Variants in DHX57 observed in about 807,000 individuals in gnomAD.
The protein encoded by DHX57 is putative ATP-dependent RNA helicase DHX57.
In DHX57, 105 loss-of-function variants were observed where a neutral mutation model predicts 156.2. The ratio of observed to expected loss-of-function variants is 0.67; its 90% CI spans 0.57 to 0.79. DHX57 has a LOEUF of 0.79. Ranked by LOEUF, DHX57 falls within the 30% of genes least tolerant of loss-of-function variation. DHX57 has a pLI of 0.00. For synonymous variants in DHX57, 704 were observed against 595.6 expected, an observed-to-expected ratio of 1.18 and a Z score of -2.65; for missense variants, 1,847 against 1,661.9, an observed-to-expected ratio of 1.11 and a Z score of -1.94.
chr2:38,824,673 G>C (rs1444799695), intron 16 of DHX57, among the ~76,000 whole-genome samples: 2 of 152,080 alleles, frequency 1.3e-5, no homozygotes, highest in African/African-American at 4.8e-5. Flanking sequence ...GGGGTATAGA[G>C]TTTCATTCTT....
At chr2:38,875,107 A>G (rs1271393484) in intron 1 of DHX57, among the ~76,000 whole-genome samples, 1 of 152,234 alleles carries the variant, frequency 6.6e-6, no homozygotes, top group African/African-American at 2.4e-5. Context: ...TAACATTTTA[A>G]ACGAAGATTT....
chr2:38,799,627 G>A (rs1436911509), intron 23 of DHX57, among the ~76,000 whole-genome samples: 1 of 146,338 alleles, frequency 6.8e-6, no homozygotes, highest in Non-Finnish European at 1.5e-5. Flanking sequence ...GCACATGCCT[G>A]TAATCCCAGC....
In DHX57 at chr2:38,818,924, T is replaced by A; in HGVS notation, c.3424A>T (p.Ser1142Cys). Residue 1142 changes from serine to cysteine, a missense_variant, in exon 19 of 24, where the codon AGT becomes TGT. By Grantham distance (112) the Ser-to-Cys change is moderately radical. Coordinates refer to ENST00000457308, the MANE Select transcript of DHX57 (RefSeq NM_198963.3). ...QLSTKEGVRA[S>C]YNYCRQNFLS... ...AAGTTTTGTCTGCAGTAATTATAAC[T>A]TGCACGCACGCCTTCTTTTGTACTT... 1 of 1,614,200 alleles carries A rather than the reference T, an allele frequency of 6.2e-7. No homozygotes were observed. Among genetic ancestry groups the A allele is most frequent in the Non-Finnish European group, 8.5e-7 (1 of 1,180,042 alleles).
chr2:38,868,913 T>C (rs964003317), intron 1 of DHX57, among the ~76,000 whole-genome samples: 2 of 152,160 alleles, frequency 1.3e-5, no homozygotes, highest in Non-Finnish European at 2.9e-5. Flanking sequence ...GCAATTCTCC[T>C]ACCTCAGCCT....
chr2:38,865,640 T>C (rs765863538), intron 2 of DHX57, among the ~76,000 whole-genome samples: 3 of 152,154 alleles, frequency 2.0e-5, no homozygotes, highest in Non-Finnish European at 4.4e-5. Context: ...CCTCACACAT[T>C]TATCATTTCT....
At chr2:38,844,194 C>T (rs3112159) in intron 11 of DHX57, among the ~76,000 whole-genome samples, 43,671 of 151,886 alleles carry the variant, frequency 0.29, 6,871 homozygotes, top group Non-Finnish European at 0.35. Context: ...ACTATGGTGA[C>T]GGTGGTGGTA....
chr2:38,855,782 C>G (rs1421241217), intron 7 of DHX57, among the ~76,000 whole-genome samples: 1 of 152,038 alleles, frequency 6.6e-6, no homozygotes. Context: ...AAATAACGCA[C>G]CATAATTAAG....
intron 23 of DHX57, 116 bp from the exon 24 acceptor site, chr2:38,798,558 T>G: frequency 8.2e-7 from 1 of 1,225,190 alleles, no homozygotes; most frequent in Non-Finnish European, 1.1e-6. Flanking sequence ...TAATTTTAAC[T>G]CCATTAGGAG....
intron 21 of DHX57, chr2:38,810,555 C>T (rs1670186896): frequency 1.7e-6 from 1 of 572,948 alleles, no homozygotes; most frequent in Non-Finnish European, 3.3e-6. Flanking sequence ...TCATGCTCAC[C>T]TGCTCTCCAC....
chr2:38,838,011 A>G, intron 12 of DHX57, 64 bp from the exon 13 acceptor site: 1 of 1,043,956 alleles, frequency 9.6e-7, no homozygotes, highest in South Asian at 1.3e-5. Flanking sequence ...TTTATTGTAT[A>G]TTTATACCAT....
chr2:38,807,538 T>C (rs1215077622), intron 21 of DHX57, among the ~76,000 whole-genome samples: 2 of 151,860 alleles, frequency 1.3e-5, no homozygotes, highest in Non-Finnish European at 2.9e-5. Flanking sequence ...TTTGTATTTT[T>C]AGTAGAGACG....
intron 15 of DHX57, among the ~76,000 whole-genome samples, 195 bp from the exon 16 acceptor site, chr2:38,826,242 TAC>T (rs1671080751): frequency 2.0e-5 from 3 of 152,194 alleles, no homozygotes; most frequent in African/African-American, 7.2e-5. Context: ...TTTCCCAAAC[TAC>T]ACAGTTTCTT....
At chr2:38,839,089 G>A (rs973562912) in intron 12 of DHX57, among the ~76,000 whole-genome samples, 4 of 151,656 alleles carry the variant, frequency 2.6e-5, no homozygotes, top group East Asian at 2.0e-4. Context: ...GTAGTACCAC[G>A]GCCAGCTAAT....
rs778924008 is a variant in DHX57 at position 38,806,615 on chromosome 2, AC to A, written c.3759del (p.Lys1253AsnfsTer17). On this transcript the variant is annotated frameshift_variant, in exon 22 of 24. Coordinates refer to ENST00000457308, the MANE Select transcript of DHX57 (RefSeq NM_198963.3). LOFTEE classifies it high-confidence loss of function. Reference sequence around the variant, plus strand: ...ACATATCCATCGTTCTTGGTGACAAACTTCAACTCAGCTGATTTTGGTTGCA... The same window carrying A: ...ACATATCCATCGTTCTTGGTGACAAATTCAACTCAGCTGATTTTGGTTGCA... ...VRMQPKSAEL[K>X]FVTKNDGYVH... The A allele has an allele frequency of 1.2e-6, 2 of 1,614,026 alleles. No individual in the cohort carries two copies. The highest frequency in any genetic ancestry group is 2.2e-5 in the South Asian group (2 of 91,092).
Position 38,848,285 on chromosome 2 carries a change from G to C in DHX57, c.2148C>G (p.Pro716=). The change falls in exon 10 of 24, where the codon CCC becomes CCG. Residue 716 remains proline, a synonymous_variant. Transcript: ENST00000457308. ...ELFSDYFNSC[P]VITIPGRTFP... is the part of the protein sequence containing the mutation. ...TTTATTCACCTGGTATAGTAATAAC[G>C]GGGCAGGAATTAAAATAGTCTGAAA... 2 of 1,597,336 alleles carry C rather than the reference G, an allele frequency of 1.3e-6. No individual in the cohort carries two copies. The highest frequency in any genetic ancestry group is 1.7e-6 in the Non-Finnish European group (2 of 1,174,178).
At position 38,822,234 on chromosome 2, in the gene DHX57, C is replaced by T. The variant is rs542198389; in HGVS notation, c.3291+759G>A. 2.0e-5 allele frequency among the ~76,000 whole-genome samples: 3 copies of T among 151,944 alleles called. No individual in the cohort carries two copies. In the South Asian group the frequency reaches 6.2e-4, roughly 31 times the overall value. On this transcript the variant is annotated intron_variant, in intron 17 of 23. Transcript: ENST00000457308. ...AGTAGCTGAGATTATAGGCATGCAC[C>T]ACCATCCCAGCTAATTTTGTATTTT... is the stretch of plus-strand genomic sequence containing the variant.
chr2:38,838,588 G>A (rs921986199), intron 12 of DHX57, among the ~76,000 whole-genome samples: 19 of 152,104 alleles, frequency 1.2e-4, no homozygotes, highest in African/African-American at 3.4e-4. Flanking sequence ...AAAATTCAAC[G>A]TCAAATACAT....
At chr2:38,838,838 C>A (rs1372808151) in intron 12 of DHX57, 1 of 453,258 alleles carries the variant, frequency 2.2e-6, no homozygotes, top group Non-Finnish European at 4.4e-6. Flanking sequence ...TAGACCCTCA[C>A]AATCTCCCCA....
intron 19 of DHX57, among the ~76,000 whole-genome samples, chr2:38,817,084 T>C (rs1286144477): frequency 1.3e-5 from 2 of 152,014 alleles, no homozygotes; most frequent in East Asian, 3.9e-4. Flanking sequence ...GCGTGCACCA[T>C]CACGCCTGGC....
Sources: allele counts gnomAD v4.1 joint callset (sites outside exome capture counted in the v4.1 genomes callset), GRCh38; gene constraint gnomAD v4.1.1; transcripts MANE v1.5; gene names NCBI Gene and HGNC (gene_info 2026-07-23, HGNC 2026-07-21).